Variants in GLI3 observed in about 807,000 individuals in gnomAD.
The protein encoded by GLI3 is transcription activator GLI3.
GLI3 carries 20 observed loss-of-function variants against 100.8 expected under a neutral mutation model. The ratio of observed to expected loss-of-function variants is 0.20; its 90% CI spans 0.14 to 0.29. The LOEUF (loss-of-function observed/expected upper bound fraction) is 0.29. GLI3 is among the 10% of genes least tolerant of loss of function. The probability of loss-of-function intolerance (pLI) is 1.00; values close to 1 mark genes in which losing one functional copy is unlikely to be tolerated. For synonymous variants in GLI3, 938 were observed against 860.5 expected (o/e 1.09, Z -1.58); for missense variants, 2,040 against 2,128.5 (o/e 0.96, Z 0.82).
intron 3 of GLI3, among the ~76,000 whole-genome samples, chr7:42,109,471 C>A (rs1316915749): frequency 6.6e-6 from 1 of 152,050 alleles, no homozygotes; most frequent in Non-Finnish European, 1.5e-5. Flanking sequence ...AGGAAAGTGG[C>A]CTAGAGACTG....
intron 1 of GLI3, among the ~76,000 whole-genome samples, chr7:42,257,487 G>A (rs1789097308): frequency 6.6e-6 from 1 of 151,774 alleles, no homozygotes; most frequent in Non-Finnish European, 1.5e-5. Flanking sequence ...TGGGACTACA[G>A]GTGCCCGCCA....
At chr7:42,058,169 T>C (rs1313460130) in intron 4 of GLI3, among the ~76,000 whole-genome samples, 2 of 152,180 alleles carry the variant, frequency 1.3e-5, no homozygotes, top group African/African-American at 4.8e-5. Flanking sequence ...ATATAATGTA[T>C]GATCCCATTT....
intron 2 of GLI3, among the ~76,000 whole-genome samples, chr7:42,210,409 G>A (rs1788248829): frequency 7.9e-6 from 1 of 125,940 alleles, no homozygotes; most frequent in Non-Finnish European, 1.6e-5. Flanking sequence ...ACTTGTACTT[G>A]TATTATTAGT....
chr7:42,176,017 C>A (rs1787473088), intron 2 of GLI3, among the ~76,000 whole-genome samples: 1 of 152,124 alleles, frequency 6.6e-6, no homozygotes, highest in South Asian at 2.1e-4. Flanking sequence ...GGCCCAAAAC[C>A]ACCCTCCTAC....
chr7:42,008,091 G>A (rs1357781102), intron 10 of GLI3, among the ~76,000 whole-genome samples: 4 of 152,158 alleles, frequency 2.6e-5, no homozygotes, highest in Non-Finnish European at 5.9e-5. Context: ...TCAGGTTCGA[G>A]TGGGACTAAG....
intron 2 of GLI3, among the ~76,000 whole-genome samples, chr7:42,177,389 G>A (rs1283661698): frequency 6.6e-6 from 1 of 152,100 alleles, no homozygotes; most frequent in Admixed American, 6.6e-5. Context: ...GAAGCTAAGG[G>A]AACTGAAACT....
At chr7:42,157,586 A>C (rs1420996104) in intron 2 of GLI3, among the ~76,000 whole-genome samples, 1 of 152,276 alleles carries the variant, frequency 6.6e-6, no homozygotes. Context: ...AATTATTTCT[A>C]TACAAAATTT....
intron 2 of GLI3, among the ~76,000 whole-genome samples, chr7:42,191,400 T>G (rs1787822653): frequency 6.6e-6 from 1 of 152,076 alleles, no homozygotes; most frequent in African/African-American, 2.4e-5. Flanking sequence ...TCCATTGAAT[T>G]CATTGATTCA....
At chr7:42,048,857 A>G (rs1241331859) in intron 4 of GLI3, among the ~76,000 whole-genome samples, 161 bp from the exon 5 acceptor site, 1 of 152,060 alleles carries the variant, frequency 6.6e-6, no homozygotes, top group Non-Finnish European at 1.5e-5. Context: ...TTATTTTAAA[A>G]TCAGCATGAT....
intron 3 of GLI3, among the ~76,000 whole-genome samples, chr7:42,122,863 A>G (rs1229621044): frequency 6.6e-6 from 1 of 152,232 alleles, no homozygotes; most frequent in Non-Finnish European, 1.5e-5. Context: ...AACAGGGTGA[A>G]AAGTTATTGA....
intron 10 of GLI3, among the ~76,000 whole-genome samples, chr7:42,007,482 C>T (rs1207186133): frequency 6.6e-6 from 1 of 151,990 alleles, no homozygotes; most frequent in East Asian, 1.9e-4. Context: ...CAGTGCAAAC[C>T]CAAGAGAAAA....
chr7:42,164,857 A>T (rs143007997), intron 2 of GLI3, among the ~76,000 whole-genome samples: 2,321 of 148,462 alleles, frequency 0.016, 66 homozygotes, highest in African/African-American at 0.055. Flanking sequence ...AATAAAAATT[A>T]AAAAAATCTA....
chr7:42,068,836 C>T (rs1562713013), intron 4 of GLI3, among the ~76,000 whole-genome samples: 1 of 152,158 alleles, frequency 6.6e-6, no homozygotes, highest in Non-Finnish European at 1.5e-5. Flanking sequence ...TCAGTTTAGG[C>T]AGTATTCACC....
chr7:42,016,659 C>T (rs1054723788), intron 10 of GLI3, among the ~76,000 whole-genome samples: 1 of 152,076 alleles, frequency 6.6e-6, no homozygotes, highest in East Asian at 1.9e-4. Context: ...AAAATTATTC[C>T]TTCAAATCAG....
At chr7:41,995,243 G>C (rs6969641) in intron 10 of GLI3, among the ~76,000 whole-genome samples, 79,025 of 152,106 alleles carry the variant, frequency 0.52, 22,451 homozygotes, top group African/African-American at 0.77. Flanking sequence ...TAGGTATTAA[G>C]GTCCTTGCCA....
rs186337909 is a variant in GLI3 at position 42,045,467 on chromosome 7, C to T, written c.743G>A (p.Arg248His). The T allele has an allele frequency of 1.4e-5, 22 of 1,613,838 alleles. No individual in the cohort carries two copies. The highest frequency in any genetic ancestry group is 1.5e-5 in the Non-Finnish European group (18 of 1,179,744). ...YHQMALLTGQ[R>H]SPYADIIPSA... ...GGGAATAATGTCTGCATAGGGGCTG[C>T]GCTGGCCAGTTAGCAGGGCCATCTG... The change falls in exon 6 of 15, where the codon CGC becomes CAC. Residue 248 changes from arginine (R) to histidine (H), a missense_variant. By Grantham distance (29) the Arg-to-His change is conservative. Coordinates refer to ENST00000395925, the MANE Select transcript of GLI3 (RefSeq NM_000168.6).
intron 4 of GLI3, among the ~76,000 whole-genome samples, chr7:42,060,342 G>A (rs532129120): frequency 1.4e-4 from 21 of 152,212 alleles, no homozygotes; most frequent in Admixed American, 5.2e-4. Flanking sequence ...GTTCAGCTAT[G>A]ATGTCACTTC....
In GLI3 at chr7:42,158,506, T is replaced by TGGG. The variant is rs1190105270; in HGVS notation, c.125-10041_125-10039dup. Among the ~76,000 whole-genome samples, 313 of 152,104 alleles carry TGGG rather than the reference T, an allele frequency of 2.1e-3. 5 individuals carry two copies. In the East Asian group the frequency reaches 0.03, roughly 15 times the overall value. On this transcript the variant is annotated intron_variant, in intron 2 of 14. Transcript: ENST00000395925. ...CATGTGAAGACTATTTTTTTTTTTTTGGGATGGACTTTCACTCTTGTTGCC... is the reference window on the plus strand; with the variant it reads ...CATGTGAAGACTATTTTTTTTTTTTTGGGGGGATGGACTTTCACTCTTGTTGCC...
At chr7:42,143,257 A>G (rs1294267859) in intron 3 of GLI3, among the ~76,000 whole-genome samples, 2 of 152,196 alleles carry the variant, frequency 1.3e-5, no homozygotes, top group Non-Finnish European at 2.9e-5. Flanking sequence ...GCGGAAAAAA[A>G]CAAAGCATTT....
Sources: allele counts gnomAD v4.1 joint callset (sites outside exome capture counted in the v4.1 genomes callset), GRCh38; gene constraint gnomAD v4.1.1; transcripts MANE v1.5; gene names NCBI Gene and HGNC (gene_info 2026-07-23, HGNC 2026-07-21).